Variants in COL14A1 observed in about 807,000 individuals in gnomAD.
COL14A1 encodes collagen type XIV alpha 1 chain, also known as collagen alpha-1(XIV) chain.
Under a neutral mutation model 230.3 loss-of-function variants are expected in COL14A1, and 136 were observed. That is an observed-to-expected ratio of 0.59 (90% CI 0.51 to 0.68). The LOEUF is 0.68. Ranked by LOEUF, COL14A1 falls within the 30% of genes least tolerant of loss-of-function variation. The pLI, the probability that COL14A1 is intolerant of heterozygous loss-of-function variation, is 0.00. For synonymous variants in COL14A1, 792 were observed against 784.1 expected (o/e 1.01, Z -0.17); for missense variants, 1,976 against 2,215.8 (o/e 0.89, Z 2.17).
At position 120,266,652 on chromosome 8, in the gene COL14A1, C is replaced by T. The variant is rs181558094; in HGVS notation, c.3017-175C>T. ...TCAAGCCTTCAGTCTGAGGATGAGA[C>T]GATGGATGGAGTCAGTTTTCACAGG... On this transcript the variant is annotated intron_variant, in intron 24 of 47. Transcript: ENST00000297848. Among the ~76,000 whole-genome samples the T allele has an allele frequency of 1.3e-3, 203 of 152,048 alleles. 1 individual carries two copies. Among genetic ancestry groups the T allele is most frequent in the African/African-American group, 4.5e-3 (188 of 41,502 alleles).
chr8:120,165,035 A>C (rs1474294089), intron 4 of COL14A1, among the ~76,000 whole-genome samples: 1 of 152,236 alleles, frequency 6.6e-6, no homozygotes, highest in Admixed American at 6.5e-5. Flanking sequence ...TAGAGAAACA[A>C]TATAACTTTT....
intron 13 of COL14A1, among the ~76,000 whole-genome samples, chr8:120,213,511 C>G (rs1457413539): frequency 6.6e-6 from 1 of 152,134 alleles, no homozygotes; most frequent in Non-Finnish European, 1.5e-5. Flanking sequence ...TATTCTTGCT[C>G]TTCGGAGAAA....
chr8:120,170,402 T>C (rs72675779), intron 5 of COL14A1, among the ~76,000 whole-genome samples: 51,550 of 151,952 alleles, frequency 0.34, 9,566 homozygotes, highest in Admixed American at 0.48. Flanking sequence ...CCTTGATCCA[T>C]GAGTTACTTA....
At position 120,209,853 on chromosome 8, in the gene COL14A1, G is replaced by T; in HGVS notation, c.1419G>T (p.Leu473=). The T allele has an allele frequency of 6.2e-7, 1 of 1,613,758 alleles. No homozygotes were observed. Among genetic ancestry groups the T allele is most frequent in the South Asian group, 1.1e-5 (1 of 91,052 alleles). The change falls in exon 12 of 48, where the codon CTG becomes CTT. Residue 473 remains leucine, a synonymous_variant. Transcript: ENST00000297848. ...CAGTGCCTGGGGCCTCAGGTTACCT[G>T]ATCCTTTATGCTCCTCTAACAGAGG... ...WDAVPGASGY[L]ILYAPLTEGL...
Position 120,278,203 on chromosome 8 carries a change from C to A in COL14A1, c.3306C>A (p.His1102Gln), listed in dbSNP as rs143488960. 2.2e-4 allele frequency: 348 copies of A among 1,610,362 alleles called. No homozygotes were observed. The highest frequency in any genetic ancestry group is 2.2e-4 in the Non-Finnish European group (261 of 1,178,500). ...AGACTCTTCTTGATGCAATTAAACA[C>A]ATTTCATACAAAGGAGGAAATACAA... ...TKETLLDAIKHISYKGGNTKT... is the reference protein window; with the variant it reads ...TKETLLDAIKQISYKGGNTKT... Residue 1102 changes from histidine to glutamine, a missense_variant, in exon 27 of 48, where the codon CAC becomes CAA. Transcript: ENST00000297848.
chr8:120,370,606 T>C, intron 47 of COL14A1: 1 of 1,452,318 alleles, frequency 6.9e-7, no homozygotes, highest in South Asian at 1.4e-5. Flanking sequence ...TAATAGACAC[T>C]GACTGCTCCA....
At chr8:120,259,951 G>A (rs1437059647) in intron 23 of COL14A1, among the ~76,000 whole-genome samples, 11 of 152,226 alleles carry the variant, frequency 7.2e-5, no homozygotes, top group Admixed American at 1.3e-4. Flanking sequence ...CCTAAGCAAA[G>A]CGAAACACTG....
intron 4 of COL14A1, among the ~76,000 whole-genome samples, chr8:120,165,639 C>T (rs928256998): frequency 4.6e-5 from 7 of 152,010 alleles, no homozygotes; most frequent in Non-Finnish European, 1.0e-4. Flanking sequence ...ACATATATAT[C>T]TTATATGTGA....
At chr8:120,326,525 T>A (rs931510866) in intron 40 of COL14A1, among the ~76,000 whole-genome samples, 1 of 152,196 alleles carries the variant, frequency 6.6e-6, no homozygotes, top group Non-Finnish European at 1.5e-5. Flanking sequence ...ACTGGTGTCA[T>A]TTAAGAGTTT....
At chr8:120,320,992 A>G (rs1178247821) in intron 40 of COL14A1, among the ~76,000 whole-genome samples, 4 of 152,234 alleles carry the variant, frequency 2.6e-5, no homozygotes, top group Non-Finnish European at 1.5e-5. Flanking sequence ...CACAGCTAGT[A>G]AGTGTTAGAG....
intron 8 of COL14A1, 42 bp from the exon 9 acceptor site, chr8:120,203,667 G>T (rs752432010): frequency 6.2e-7 from 1 of 1,603,804 alleles, no homozygotes; most frequent in South Asian, 1.1e-5. Context: ...CTTTCCAAGG[G>T]GGCATAAAAG....
At chr8:120,231,211 CACAT>C (rs1021082954) in intron 18 of COL14A1, among the ~76,000 whole-genome samples, 10 of 152,114 alleles carry the variant, frequency 6.6e-5, no homozygotes, top group Non-Finnish European at 1.3e-4. Flanking sequence ...TTTACTAGTG[CACAT>C]ACAGAACTGA....
chr8:120,369,359 C>T lies in COL14A1; in HGVS notation c.5185C>T (p.Pro1729Ser). 6.3e-7 allele frequency: 1 copy of T among 1,598,976 alleles called. No individual in the cohort carries two copies. Among genetic ancestry groups the T allele is most frequent in the Admixed American group, 1.7e-5 (1 of 57,646 alleles). The change falls in exon 47 of 48, where the codon CCT becomes TCT. Residue 1729 changes from proline to serine, a missense_variant. By Grantham distance (74) the Pro-to-Ser change is moderately conservative (BLOSUM62 -1). This residue lies in a region of COL14A1 where 1,791 missense variants were observed against 2,019.5 expected (regional missense o/e 0.89). Coordinates refer to ENST00000297848, the MANE Select transcript of COL14A1 (RefSeq NM_021110.4). The part of the protein sequence containing the change: ...GPSGESRPGS[P>S]GPPGSPGPRG... ...TTCAGGGGAGAGTCGGCCTGGCAGCCCTGGGCCCCCTGGCTCTCCTGGACC... is the reference window on the plus strand; with the variant it reads ...TTCAGGGGAGAGTCGGCCTGGCAGCTCTGGGCCCCCTGGCTCTCCTGGACC...
At chr8:120,284,885 G>A (rs147565655) in intron 32 of COL14A1, among the ~76,000 whole-genome samples, 1 of 152,210 alleles carries the variant, frequency 6.6e-6, no homozygotes, top group African/African-American at 2.4e-5. Flanking sequence ...CACAAGGTTA[G>A]TAATGCTTTG....
intron 45 of COL14A1, among the ~76,000 whole-genome samples, chr8:120,361,648 T>C (rs563294914): frequency 1.7e-4 from 26 of 152,276 alleles, no homozygotes; most frequent in African/African-American, 5.5e-4. Context: ...TGATCTATAA[T>C]CTCTGTGACT....
intron 5 of COL14A1, among the ~76,000 whole-genome samples, chr8:120,194,297 T>G (rs890457059): frequency 6.6e-6 from 1 of 152,218 alleles, no homozygotes. Context: ...TCAAATTATT[T>G]TTCTAGATAA....
intron 5 of COL14A1, among the ~76,000 whole-genome samples, chr8:120,173,299 T>C (rs1256928796): frequency 6.6e-6 from 1 of 152,194 alleles, no homozygotes; most frequent in African/African-American, 2.4e-5. Context: ...TCATGCTGTC[T>C]CTTATGTCTT....
At chr8:120,347,769 CTG>C (rs1822574406) in intron 45 of COL14A1, among the ~76,000 whole-genome samples, 1 of 152,144 alleles carries the variant, frequency 6.6e-6, no homozygotes, top group Non-Finnish European at 1.5e-5. Flanking sequence ...GAGCCAGAGA[CTG>C]TGTTGTTTTT....
chr8:120,186,194 G>A (rs1425597479), intron 5 of COL14A1, among the ~76,000 whole-genome samples: 2 of 152,154 alleles, frequency 1.3e-5, no homozygotes, highest in Non-Finnish European at 2.9e-5. Context: ...TGAGTTTTTG[G>A]CAATGTAAAA....
Sources: allele counts gnomAD v4.1 joint callset (sites outside exome capture counted in the v4.1 genomes callset), GRCh38; gene constraint gnomAD v4.1.1; regional missense constraint gnomAD v4.1.1; transcripts MANE v1.5; gene names NCBI Gene and HGNC (gene_info 2026-07-23, HGNC 2026-07-21).